The following LRRC37A2 variants were observed in gnomAD, a reference collection of about 807,000 sequenced individuals.
LRRC37A2 encodes the protein leucine rich repeat containing 37 member A2, also known as leucine-rich repeat-containing protein 37A2.
A neutral mutation model predicts 68.8 loss-of-function variants in LRRC37A2; 9 were observed. The ratio of observed to expected loss-of-function variants is 0.13; its 90% CI spans 0.08 to 0.23. LRRC37A2 has a LOEUF of 0.23. Ranked by LOEUF, LRRC37A2 falls within the 10% of genes least tolerant of loss-of-function variation. The pLI is 1.00. For synonymous variants in LRRC37A2, 63 were observed against 367.6 expected (o/e 0.17, Z 9.48); for missense variants, 168 against 950.4 (o/e 0.18, Z 10.82).
the LRRC37A2 span, among the ~76,000 whole-genome samples, chr17:46,900,966 G>A: frequency 6.6e-6 from 1 of 152,042 alleles, no homozygotes; most frequent in Non-Finnish European, 1.5e-5. Flanking sequence ...TAAACGAAAA[G>A]CAATGTCTTT....
chr17:46,920,461 A>C, the LRRC37A2 span, among the ~76,000 whole-genome samples: 1 of 152,198 alleles, frequency 6.6e-6, no homozygotes, highest in African/African-American at 2.4e-5. Context: ...AAGAATGTAC[A>C]TGGGTGGACA....
chr17:46,722,019 CCTTGGCTGCCGTAATATTCAG>C, the LRRC37A2 span: 1 of 1,609,172 alleles, frequency 6.2e-7, no homozygotes, highest in East Asian at 2.2e-5. Context: ...ACTTCAGTTT[CCTTGGCTGCCGTAATATTCAG>C]CTCCCTGAGC....
At chr17:46,763,199 C>T in the LRRC37A2 span, 1 of 152,224 alleles carries the variant, frequency 6.6e-6, no homozygotes, top group African/African-American at 2.4e-5. Flanking sequence ...CTTTGTTCTG[C>T]TCATTCCCCT....
chr17:46,901,145 A>C, the LRRC37A2 span, among the ~76,000 whole-genome samples: 1 of 151,928 alleles, frequency 6.6e-6, no homozygotes, highest in African/African-American at 2.4e-5. Flanking sequence ...ACATTTATTT[A>C]TTTATTTATT....
At chr17:46,752,026 C>T in the LRRC37A2 span, among the ~76,000 whole-genome samples, 14 of 152,268 alleles carry the variant, frequency 9.2e-5, no homozygotes, top group African/African-American at 2.9e-4. Flanking sequence ...AGTCAGTAAG[C>T]GACTGCACAT....
the LRRC37A2 span, among the ~76,000 whole-genome samples, chr17:46,972,414 C>A: frequency 2.0e-5 from 3 of 152,226 alleles, no homozygotes; most frequent in African/African-American, 7.2e-5. Context: ...GGAAGGAGAA[C>A]CTGGGACAGG....
At chr17:46,982,701 G>A in the LRRC37A2 span, among the ~76,000 whole-genome samples, 2 of 152,252 alleles carry the variant, frequency 1.3e-5, no homozygotes, top group South Asian at 2.1e-4. Flanking sequence ...GGAGGTGCTG[G>A]GGAGGGAAAA....
chr17:46,489,511 A>T, the LRRC37A2 span, among the ~76,000 whole-genome samples: 1 of 147,720 alleles, frequency 6.8e-6, no homozygotes, highest in South Asian at 2.1e-4. Context: ...TTTGAGATGG[A>T]GTCTCCCTCT....
the LRRC37A2 span, among the ~76,000 whole-genome samples, chr17:46,762,166 G>A: frequency 2.6e-5 from 4 of 152,200 alleles, no homozygotes; most frequent in African/African-American, 7.2e-5. Flanking sequence ...CCACCCCTGC[G>A]GTCTGCTGGC....
chr17:46,994,979 C>T, the LRRC37A2 span, among the ~76,000 whole-genome samples: 1 of 152,090 alleles, frequency 6.6e-6, no homozygotes, highest in African/African-American at 2.4e-5. Context: ...AAAAATTAGC[C>T]AGGCATGGTG....
At chr17:46,836,866 G>T in the LRRC37A2 span, among the ~76,000 whole-genome samples, 3 of 152,186 alleles carry the variant, frequency 2.0e-5, no homozygotes, top group East Asian at 5.8e-4. Context: ...GAATTTGGGG[G>T]ATTACAATTT....
At chr17:47,014,611 G>A in the LRRC37A2 span, among the ~76,000 whole-genome samples, 2 of 151,328 alleles carry the variant, frequency 1.3e-5, no homozygotes, top group Non-Finnish European at 2.9e-5. Context: ...AGTTTGGAGA[G>A]CAGAACTGAG....
At chr17:46,877,918 G>A in the LRRC37A2 span, among the ~76,000 whole-genome samples, 2 of 152,162 alleles carry the variant, frequency 1.3e-5, no homozygotes, top group Non-Finnish European at 2.9e-5. Context: ...CCTCACTTTG[G>A]CTCTTACTTG....
chr17:46,882,306 T>G, the LRRC37A2 span, among the ~76,000 whole-genome samples: 2 of 152,244 alleles, frequency 1.3e-5, no homozygotes, highest in Non-Finnish European at 2.9e-5. Context: ...ACAGTGATAG[T>G]TTGAAGAGTC....
At chr17:46,766,632 G>A in the LRRC37A2 span, among the ~76,000 whole-genome samples, 1 of 152,122 alleles carries the variant, frequency 6.6e-6, no homozygotes, top group Non-Finnish European at 1.5e-5. Context: ...GCTACACCGA[G>A]GGGCTTCCTA....
chr17:46,943,313 C>T, the LRRC37A2 span, among the ~76,000 whole-genome samples: 1 of 152,188 alleles, frequency 6.6e-6, no homozygotes, highest in Non-Finnish European at 1.5e-5. Context: ...AGTAAAGCAC[C>T]TTGATGTGAC....
the LRRC37A2 span, among the ~76,000 whole-genome samples, chr17:46,678,191 A>G: frequency 0.039 from 4,216 of 109,290 alleles, 92 homozygotes; most frequent in Middle Eastern, 0.11. Flanking sequence ...ACATCAAGAA[A>G]AAGAAAAGAT....
At chr17:47,018,849 A>G in the LRRC37A2 span, 3 of 1,520,168 alleles carry the variant, frequency 2.0e-6, no homozygotes, top group East Asian at 2.3e-5. Context: ...GGGGTTTACC[A>G]TCACTCCAGA....
chr17:46,905,772 C>CGTGTG, the LRRC37A2 span, among the ~76,000 whole-genome samples: 1 of 137,196 alleles, frequency 7.3e-6, no homozygotes, highest in Non-Finnish European at 1.6e-5. Context: ...CCCCTGTACT[C>CGTGTG]TGTGTGTTTG....
Sources: allele counts gnomAD v4.1 joint callset (sites outside exome capture counted in the v4.1 genomes callset), GRCh38; gene constraint gnomAD v4.1.1; transcripts MANE v1.5; gene names NCBI Gene and HGNC (gene_info 2026-07-23, HGNC 2026-07-21).